VEPH1: variants seen among roughly 807,000 people sequenced by gnomAD.
VEPH1 encodes the protein ventricular zone-expressed PH domain-containing protein homolog 1.
Under a neutral mutation model 85.2 loss-of-function variants are expected in VEPH1, and 80 were observed. The observed-to-expected ratio is 0.94, with a 90% CI of 0.78 to 1.13. VEPH1 has a LOEUF of 1.13. VEPH1 is among the 50% of genes most tolerant of loss of function. The pLI is 0.00. For missense variants in VEPH1, 955 were observed against 980.5 expected (o/e 0.97, Z 0.35); for synonymous variants, 297 against 348.0 (o/e 0.85, Z 1.63).
intron 12 of VEPH1, among the ~76,000 whole-genome samples, chr3:157,268,789 C>G (rs1393855748): frequency 6.6e-6 from 1 of 152,142 alleles, no homozygotes; most frequent in African/African-American, 2.4e-5. Flanking sequence ...ACTCTGTCAC[C>G]CAGGCTGGAG....
intron 3 of VEPH1, among the ~76,000 whole-genome samples, chr3:157,468,792 T>C (rs544226121): frequency 2.6e-4 from 40 of 152,306 alleles, no homozygotes; most frequent in African/African-American, 8.9e-4. Flanking sequence ...AATATACATA[T>C]ATAATTTACC....
intron 4 of VEPH1, among the ~76,000 whole-genome samples, chr3:157,449,652 A>T (rs1036092076): frequency 2.0e-5 from 3 of 152,122 alleles, no homozygotes; most frequent in Non-Finnish European, 2.9e-5. Flanking sequence ...CTTCTGTGAA[A>T]CTGTCTTGGC....
chr3:157,363,910 G>T (rs1193266057), intron 8 of VEPH1, 149 bp from the exon 9 acceptor site: 2 of 946,292 alleles, frequency 2.1e-6, no homozygotes, highest in Non-Finnish European at 1.5e-6. Flanking sequence ...ACCAATAAAT[G>T]ATGTAATAAA....
At chr3:157,436,878 C>A in intron 4 of VEPH1, 2 of 1,586,484 alleles carry the variant, frequency 1.3e-6, no homozygotes, top group Non-Finnish European at 1.7e-6. Context: ...TCAAACTCAG[C>A]TCACTTGAGA....
intron 2 of VEPH1, among the ~76,000 whole-genome samples, chr3:157,473,053 CT>C (rs1458585713): frequency 7.3e-6 from 1 of 137,346 alleles, no homozygotes; most frequent in African/African-American, 2.7e-5. Context: ...TTAGTTTTTG[CT>C]GATTAAATGA....
At chr3:157,293,442 G>A (rs902399101) in intron 11 of VEPH1, among the ~76,000 whole-genome samples, 1 of 152,174 alleles carries the variant, frequency 6.6e-6, no homozygotes, top group Non-Finnish European at 1.5e-5. Context: ...GTCCCTATGT[G>A]TTGGGAAGAA....
At chr3:157,296,590 T>C (rs781336869) in intron 11 of VEPH1, among the ~76,000 whole-genome samples, 6 of 152,226 alleles carry the variant, frequency 3.9e-5, no homozygotes, top group Non-Finnish European at 5.9e-5. Context: ...GATAAACAGG[T>C]CTAAAGTACT....
chr3:157,298,728 G>T (rs2108443700), intron 11 of VEPH1, among the ~76,000 whole-genome samples: 1 of 152,124 alleles, frequency 6.6e-6, no homozygotes, highest in Non-Finnish European at 1.5e-5. Flanking sequence ...TATATTGAAT[G>T]AAGGATAAAA....
At chr3:157,312,400 C>G (rs1175832719) in intron 11 of VEPH1, among the ~76,000 whole-genome samples, 4 of 152,208 alleles carry the variant, frequency 2.6e-5, no homozygotes, top group Admixed American at 2.0e-4. Context: ...TCTGCCATGA[C>G]AGTAAGTGCT....
intron 4 of VEPH1, among the ~76,000 whole-genome samples, chr3:157,457,439 G>A (rs1242235581): frequency 2.6e-5 from 4 of 152,186 alleles, no homozygotes; most frequent in Non-Finnish European, 5.9e-5. Context: ...TGGTGAGAGA[G>A]GGCGTCCTTG....
At chr3:157,333,333 C>T (rs961130342) in intron 9 of VEPH1, among the ~76,000 whole-genome samples, 8 of 152,126 alleles carry the variant, frequency 5.3e-5, no homozygotes, top group Non-Finnish European at 1.2e-4. Flanking sequence ...AGGGGAAGTT[C>T]ACTCGGAAGA....
intron 9 of VEPH1, among the ~76,000 whole-genome samples, chr3:157,340,829 C>T (rs1339409090): frequency 6.6e-6 from 1 of 152,180 alleles, no homozygotes; most frequent in Non-Finnish European, 1.5e-5. Context: ...GACGAAGCTT[C>T]CAGAGGAACA....
chr3:157,395,688 T>C (rs1469010558), intron 6 of VEPH1, among the ~76,000 whole-genome samples: 1 of 152,192 alleles, frequency 6.6e-6, no homozygotes, highest in East Asian at 1.9e-4. Flanking sequence ...TTCCCAAAAA[T>C]TTCTTTGTCA....
At position 157,495,453 on chromosome 3, in the gene VEPH1, T is replaced by C. The variant is rs1739592880; in HGVS notation, c.-104A>G. 2 of 1,522,126 alleles carry C rather than the reference T, an allele frequency of 1.3e-6. No individual in the cohort carries two copies. The highest frequency in any genetic ancestry group is 1.4e-5 in the African/African-American group (1 of 72,068). 94.3% of individuals were successfully genotyped at this position (1,522,126 alleles called of 1,614,324 possible). On this transcript the variant is annotated 5_prime_UTR_variant, in exon 2 of 14. An upstream open reading frame in the 5' UTR loses its in-frame stop. Transcript: ENST00000362010. Reference sequence around the variant, plus strand: ...AAACATGTAGAAGGAGGTATACTTCTTATTCCATGAAAGGTCATTTTTCTC... The same window carrying C: ...AAACATGTAGAAGGAGGTATACTTCCTATTCCATGAAAGGTCATTTTTCTC...
chr3:157,334,787 T>C (rs1366164296), intron 9 of VEPH1, among the ~76,000 whole-genome samples: 2 of 152,164 alleles, frequency 1.3e-5, no homozygotes. Context: ...TAGGCCTAGA[T>C]AAATAAAATA....
intron 5 of VEPH1, among the ~76,000 whole-genome samples, chr3:157,414,742 A>G (rs981995573): frequency 1.3e-4 from 20 of 152,296 alleles, no homozygotes; most frequent in Admixed American, 1.3e-3. Flanking sequence ...TAAAGACTCT[A>G]TGTTAATACA....
chr3:157,330,531 A>G (rs1237761042), intron 9 of VEPH1, among the ~76,000 whole-genome samples: 1 of 152,194 alleles, frequency 6.6e-6, no homozygotes, highest in Non-Finnish European at 1.5e-5. Flanking sequence ...AAAACACTTC[A>G]TTATTATTGA....
intron 3 of VEPH1, among the ~76,000 whole-genome samples, chr3:157,461,270 A>G (rs1735842595): frequency 6.6e-6 from 1 of 152,148 alleles, no homozygotes; most frequent in African/African-American, 2.4e-5. Context: ...TTTCTACCAC[A>G]TAATGTTTTG....
chr3:157,420,902 T>G (rs556570160), intron 5 of VEPH1, among the ~76,000 whole-genome samples: 1 of 152,222 alleles, frequency 6.6e-6, no homozygotes, highest in Non-Finnish European at 1.5e-5. Flanking sequence ...GTTACTAAAC[T>G]CTGTTCCTTT....
Sources: gnomAD v4.1 joint callset for allele counts (sites outside exome capture counted in the v4.1 genomes callset) on GRCh38, gnomAD v4.1.1 for gene constraint, MANE v1.5 for transcripts, NCBI Gene and HGNC (gene_info 2026-07-23, HGNC 2026-07-21) for gene names.